ATP8A1: variants seen among roughly 807,000 people sequenced by gnomAD.
ATP8A1 encodes the protein phospholipid-transporting ATPase IA.
A neutral mutation model predicts 177.7 loss-of-function variants in ATP8A1; 90 were observed. The ratio of observed to expected loss-of-function variants is 0.51; its 90% CI spans 0.43 to 0.60. The LOEUF is 0.60. ATP8A1 is among the 20% of genes least tolerant of loss of function. The pLI is 0.00. For synonymous variants in ATP8A1, 493 were observed against 485.9 expected (o/e 1.01, Z -0.19); for missense variants, 1,072 against 1,392.8 (o/e 0.77, Z 3.67).
intron 33 of ATP8A1, among the ~76,000 whole-genome samples, chr4:42,431,951 A>G (rs1272857727): frequency 6.6e-6 from 1 of 152,188 alleles, no homozygotes; most frequent in Non-Finnish European, 1.5e-5. Flanking sequence ...CTTTTCATGC[A>G]AGTTTTCTTG....
intron 14 of ATP8A1, among the ~76,000 whole-genome samples, chr4:42,569,667 T>C (rs1452083637): frequency 2.6e-5 from 4 of 152,226 alleles, no homozygotes; most frequent in Non-Finnish European, 4.4e-5. Context: ...CACGAGATGA[T>C]GGTTACTTCA....
intron 35 of ATP8A1, among the ~76,000 whole-genome samples, chr4:42,417,448 T>C (rs975856080): frequency 1.3e-5 from 2 of 152,162 alleles, no homozygotes; most frequent in East Asian, 1.9e-4. Context: ...TACCAAGCTA[T>C]GTAAATTTTG....
chr4:42,435,467 A>AAAAAAAAAAAAC (rs1715876195), intron 33 of ATP8A1, among the ~76,000 whole-genome samples: 1 of 144,606 alleles, frequency 6.9e-6, no homozygotes, highest in African/African-American at 2.5e-5. Context: ...AAAAAAACAA[A>AAAAAAAAAAAAC]CTATCTCCAG....
At chr4:42,569,731 A>G (rs1442663118) in intron 14 of ATP8A1, among the ~76,000 whole-genome samples, 1 of 152,246 alleles carries the variant, frequency 6.6e-6, no homozygotes, top group Non-Finnish European at 1.5e-5. Context: ...ATGGAACCTT[A>G]GTTTAAGAAT....
chr4:42,580,664 A>G (rs1031920152), intron 10 of ATP8A1, among the ~76,000 whole-genome samples: 1 of 152,234 alleles, frequency 6.6e-6, no homozygotes, highest in Non-Finnish European at 1.5e-5. Flanking sequence ...CACTAACAGC[A>G]ATCTCGCTTG....
At position 42,590,794 on chromosome 4, in the gene ATP8A1, G is replaced by A. The variant is rs754188201; in HGVS notation, c.524+17C>T. ...GGACCCACATACACGCATCCTATAC[G>A]ACTCAGTGGTTCTAACCTTGAGGAC... On this transcript the variant is annotated intron_variant, in intron 7 of 36. Transcript: ENST00000381668. 1.6e-5 allele frequency: 25 copies of A among 1,612,286 alleles called. No individual in the cohort carries two copies. Among genetic ancestry groups the A allele is most frequent in the African/African-American group, 4.0e-5 (3 of 74,812 alleles).
chr4:42,577,776 C>T (rs983430993), intron 12 of ATP8A1, among the ~76,000 whole-genome samples: 3 of 151,990 alleles, frequency 2.0e-5, no homozygotes, highest in Admixed American at 6.5e-5. Context: ...ACATGATAAT[C>T]TGGTTGATAT....
chr4:42,499,126 A>T lies in ATP8A1; in HGVS notation c.2151+4324T>A, dbSNP rs909985256. The stretch of plus-strand genomic sequence containing the variant: ...TAGGTGGTGGCTCCTGATCAGGCTG[A>T]AGGTGAACATCAACAACAGCAGAGA... On this transcript the variant is annotated intron_variant, in intron 24 of 36. Transcript: ENST00000381668. Among the ~76,000 whole-genome samples the T allele has an allele frequency of 2.0e-5, 3 of 152,214 alleles. No individual in the cohort carries two copies. In the East Asian group the frequency reaches 5.8e-4, roughly 29 times the overall value.
intron 1 of ATP8A1, 100 bp downstream of exon 1, chr4:42,656,725 G>A: frequency 7.6e-7 from 1 of 1,317,520 alleles, no homozygotes; most frequent in East Asian, 3.1e-5. Context: ...TGCCGCCGGG[G>A]AAGAGGTAGG....
intron 1 of ATP8A1, among the ~76,000 whole-genome samples, chr4:42,635,660 T>G (rs1739196368): frequency 6.6e-6 from 1 of 150,958 alleles, no homozygotes; most frequent in African/African-American, 2.4e-5. Flanking sequence ...TAATTGAAAG[T>G]CCTGAATATA....
At chr4:42,542,628 T>C (rs1728522947) in intron 20 of ATP8A1, among the ~76,000 whole-genome samples, 4 of 152,222 alleles carry the variant, frequency 2.6e-5, no homozygotes. Context: ...AATGTTCCCC[T>C]TCCCGTGTCC....
intron 20 of ATP8A1, 95 bp downstream of exon 20, chr4:42,543,822 G>A: frequency 1.2e-6 from 1 of 865,984 alleles, no homozygotes; most frequent in Non-Finnish European, 1.7e-6. Flanking sequence ...GCAACTTCAT[G>A]TTAAACATCT....
chr4:42,408,642 T>C lies in ATP8A1; in HGVS notation c.*4274A>G, dbSNP rs1248310493. On this transcript the variant is annotated 3_prime_UTR_variant, in exon 37 of 37. Coordinates refer to ENST00000381668, the MANE Select transcript of ATP8A1 (RefSeq NM_006095.2). ...ACAGCAGTTTCAGCAGGAATGGTTT[T>C]TCAGGGAGCTGAAAATACTACTTTA... 2.6e-5 allele frequency: 4 copies of C among 152,206 alleles called. No homozygotes were observed. The highest frequency in any genetic ancestry group is 4.4e-5 in the Non-Finnish European group (3 of 68,030). 9.4% of individuals were successfully genotyped at this position (152,206 alleles called of 1,614,324 possible). A position where few individuals can be genotyped will look rare whatever the true frequency, so the allele number is the denominator to read the frequency against.
intron 25 of ATP8A1, among the ~76,000 whole-genome samples, chr4:42,466,669 G>A (rs1369113973): frequency 6.6e-6 from 1 of 152,180 alleles, no homozygotes; most frequent in African/African-American, 2.4e-5. Context: ...TTTACAGTCT[G>A]GCAATAGTAC....
chr4:42,519,995 T>C (rs192796273), intron 22 of ATP8A1, among the ~76,000 whole-genome samples: 53 of 152,292 alleles, frequency 3.5e-4, no homozygotes, highest in Non-Finnish European at 7.5e-4. Context: ...TAAATTTTAA[T>C]GTAGCTCATG....
chr4:42,531,984 C>T (rs992249982), intron 20 of ATP8A1, among the ~76,000 whole-genome samples: 8 of 151,924 alleles, frequency 5.3e-5, no homozygotes, highest in Non-Finnish European at 1.0e-4. Context: ...TGCTTGCAGT[C>T]CCAGTTACTC....
Position 42,545,090 on chromosome 4 carries a change from G to A in ATP8A1, c.1653-1104C>T, listed in dbSNP as rs577054896. ...CAGAAGAATCGCTCGAACCCGGGAG[G>A]TGGAGGTTGCAGTGAACCGAGATTG... On this transcript the variant is annotated intron_variant, in intron 19 of 36. Transcript: ENST00000381668. Among the ~76,000 whole-genome samples the A allele has an allele frequency of 9.3e-5, 14 of 151,222 alleles. No homozygotes were observed. The East Asian group carries it at 2.7e-3, about 30-fold the overall frequency.
intron 7 of ATP8A1, among the ~76,000 whole-genome samples, chr4:42,589,605 T>C (rs1733955900): frequency 6.6e-6 from 1 of 152,224 alleles, no homozygotes; most frequent in South Asian, 2.1e-4. Flanking sequence ...TCCCCAAAAT[T>C]AAGTCCTTCA....
chr4:42,630,501 T>C (rs1420639732), intron 1 of ATP8A1, among the ~76,000 whole-genome samples: 2 of 152,208 alleles, frequency 1.3e-5, no homozygotes, highest in African/African-American at 4.8e-5. Context: ...GTCTTCCTGG[T>C]AGGTCAGGCC....
Sources: allele counts gnomAD v4.1 joint callset (sites outside exome capture counted in the v4.1 genomes callset), GRCh38; gene constraint gnomAD v4.1.1; transcripts MANE v1.5; gene names NCBI Gene and HGNC (gene_info 2026-07-23, HGNC 2026-07-21).